The following SPATA31H1 variants were observed in gnomAD, a reference collection of about 807,000 sequenced individuals.
The protein encoded by SPATA31H1 is spermatogenesis-associated protein 31H1.
chr2:27,543,799 G>A, the SPATA31H1 span, among the ~76,000 whole-genome samples: 4 of 151,824 alleles, frequency 2.6e-5, no homozygotes, highest in Admixed American at 6.6e-5. Context: ...AGGGCTCCGG[G>A]ACCCCCTACC....
the SPATA31H1 span, chr2:27,578,408 T>C: frequency 6.2e-7 from 1 of 1,614,134 alleles, no homozygotes; most frequent in South Asian, 1.1e-5. Flanking sequence ...GACCAATTCC[T>C]CAGGTTGTAG....
the SPATA31H1 span, among the ~76,000 whole-genome samples, chr2:27,563,239 ATACT>A: frequency 6.6e-6 from 1 of 152,016 alleles, no homozygotes. Context: ...AACTGCTTTC[ATACT>A]TACTATCTAC....
At chr2:27,545,155 T>C in the SPATA31H1 span, among the ~76,000 whole-genome samples, 1 of 151,814 alleles carries the variant, frequency 6.6e-6, no homozygotes, top group Non-Finnish European at 1.5e-5. Flanking sequence ...CCCAAGTAGC[T>C]GGGACTACAG....
the SPATA31H1 span, chr2:27,577,656 G>A: frequency 2.5e-6 from 4 of 1,614,088 alleles, no homozygotes; most frequent in African/African-American, 1.3e-5. The surrounding 1 kb of genome is among the most constrained non-coding windows in gnomAD (Gnocchi z 4.5). Flanking sequence ...TCCTGAATCT[G>A]TGGAGTTGAC....
the SPATA31H1 span, among the ~76,000 whole-genome samples, chr2:27,541,137 G>C: frequency 1.1e-3 from 172 of 149,798 alleles, 6 homozygotes; most frequent in African/African-American, 4.0e-3. Context: ...CTGCAATCCC[G>C]GCACCTCGGG....
the SPATA31H1 span, among the ~76,000 whole-genome samples, chr2:27,544,221 G>A: frequency 7.2e-5 from 11 of 151,928 alleles, 1 homozygote; most frequent in African/African-American, 2.7e-4. Context: ...AGGTATAATT[G>A]AATACCATAA....
chr2:27,580,086 A>T, the SPATA31H1 span: 1 of 1,614,194 alleles, frequency 6.2e-7, no homozygotes. Flanking sequence ...TAGGCTGAGA[A>T]TTGGGAAAAG....
chr2:27,565,402 C>G, the SPATA31H1 span: 8 of 717,238 alleles, frequency 1.1e-5, no homozygotes, highest in Admixed American at 2.0e-5. Flanking sequence ...CTATCCTTTA[C>G]TCTTCAGCTC....
chr2:27,539,101 C>CTT, the SPATA31H1 span, among the ~76,000 whole-genome samples: 233 of 94,562 alleles, frequency 2.5e-3, 1 homozygote, highest in African/African-American at 9.9e-3. Context: ...TCATCATTTT[C>CTT]TTTTTTTTTT....
chr2:27,576,176 AAAATT>A, the SPATA31H1 span: 2 of 406,200 alleles, frequency 4.9e-6, no homozygotes, highest in South Asian at 1.1e-4. Context: ...AATCAGGGAC[AAAATT>A]TCAAGTTATG....
At chr2:27,570,762 C>T in the SPATA31H1 span, 4 of 398,806 alleles carry the variant, frequency 1.0e-5, no homozygotes, top group East Asian at 1.4e-4. Context: ...AGGGGTTAAG[C>T]CTGAGTTGTT....
At chr2:27,565,558 G>A in the SPATA31H1 span, 7 of 610,512 alleles carry the variant, frequency 1.1e-5, no homozygotes, top group South Asian at 4.2e-5. Context: ...GTATGTATAC[G>A]GCTCCATAAT....
chr2:27,580,504 T>C, the SPATA31H1 span: 1 of 1,614,044 alleles, frequency 6.2e-7, no homozygotes, highest in Non-Finnish European at 8.5e-7. Flanking sequence ...AGAACCACAA[T>C]AGAGAGTCCT....
At chr2:27,555,676 C>T in the SPATA31H1 span, among the ~76,000 whole-genome samples, 2 of 151,664 alleles carry the variant, frequency 1.3e-5, no homozygotes, top group Admixed American at 6.6e-5. Context: ...GAGATCTGGT[C>T]TCTAAAAGGA....
the SPATA31H1 span, chr2:27,580,023 CA>C: frequency 1.2e-6 from 2 of 1,614,186 alleles, no homozygotes; most frequent in South Asian, 2.2e-5. Context: ...TCCACAGCTC[CA>C]CCTTGTACGC....
chr2:27,576,056 C>G, the SPATA31H1 span: 1 of 399,428 alleles, frequency 2.5e-6, no homozygotes, highest in African/African-American at 2.1e-5. Flanking sequence ...TGGAATGCAA[C>G]CCTGGGCCAC....
the SPATA31H1 span, among the ~76,000 whole-genome samples, chr2:27,542,268 G>C: frequency 6.6e-6 from 1 of 151,710 alleles, no homozygotes; most frequent in Non-Finnish European, 1.5e-5. Context: ...GTGGTGGTGG[G>C]TGTCTGTAGT....
chr2:27,579,885 G>C, the SPATA31H1 span: 3 of 1,614,120 alleles, frequency 1.9e-6, no homozygotes, highest in East Asian at 2.2e-5. Flanking sequence ...AATACCCCCC[G>C]ATGTGCCTCC....
the SPATA31H1 span, chr2:27,576,533 G>A: frequency 6.9e-7 from 1 of 1,456,790 alleles, no homozygotes; most frequent in South Asian, 1.4e-5. Flanking sequence ...TTAAATCTGT[G>A]GCCTTTGCAT....
Sources: allele counts gnomAD v4.1 joint callset (sites outside exome capture counted in the v4.1 genomes callset), GRCh38; gene constraint gnomAD v4.1.1; non-coding constraint Gnocchi (gnomAD v3.1); transcripts MANE v1.5; gene names NCBI Gene and HGNC (gene_info 2026-07-23, HGNC 2026-07-21).